Variants in PCDHGA1 observed in about 807,000 individuals in gnomAD.
PCDHGA1 encodes the protein protocadherin gamma-A1.
PCDHGA1 carries 32 observed loss-of-function variants against 58.0 expected under a neutral mutation model. That is an observed-to-expected ratio of 0.55 (90% CI 0.42 to 0.74). The LOEUF (loss-of-function observed/expected upper bound fraction) is 0.74. PCDHGA1 is among the 30% of genes least tolerant of loss of function. The pLI, the probability that PCDHGA1 is intolerant of heterozygous loss-of-function variation, is 0.00. For missense variants in PCDHGA1, 1,205 were observed against 1,182.3 expected, an observed-to-expected ratio of 1.02 and a Z score of -0.28; for synonymous variants, 498 against 501.1, an observed-to-expected ratio of 0.99 and a Z score of 0.08.
chr5:141,422,543 T>C lies in PCDHGA1; in HGVS notation c.2422-72264T>C, dbSNP rs2096655736. 1 of 1,613,882 alleles carries C rather than the reference T, an allele frequency of 6.2e-7. No homozygotes were observed. Among genetic ancestry groups the C allele is most frequent in the African/African-American group, 1.3e-5 (1 of 74,928 alleles). Reference sequence around the variant, plus strand: ...CCGCCTTTGTCTGCAGAAACTCATGTCTGGCTGAATGTGGCAGATGACAAC... The same window carrying C: ...CCGCCTTTGTCTGCAGAAACTCATGCCTGGCTGAATGTGGCAGATGACAAC... On this transcript the variant is annotated intron_variant, in intron 1 of 3. Coordinates refer to ENST00000517417, the MANE Select transcript of PCDHGA1 (RefSeq NM_018912.3).
intron 1 of PCDHGA1, chr5:141,339,512 G>A (rs202048719): frequency 6.2e-7 from 1 of 1,614,154 alleles, no homozygotes. Flanking sequence ...CTTCTCCCTG[G>A]ACGTGCGAAG....
chr5:141,351,411 A>G (rs1285099995), intron 1 of PCDHGA1: 1 of 1,611,444 alleles, frequency 6.2e-7, no homozygotes, highest in Non-Finnish European at 8.5e-7. Flanking sequence ...TATACTCAGG[A>G]AGAAGTTCCT....
chr5:141,494,843 G>T lies in PCDHGA1; in HGVS notation c.2458G>T (p.Ala820Ser). The T allele has an allele frequency of 6.2e-7, 1 of 1,614,088 alleles. No individual in the cohort carries two copies. The highest frequency in any genetic ancestry group is 8.5e-7 in the Non-Finnish European group (1 of 1,180,006). ...PPNTDWRFSQ[A>S]QRPGTSGSQN... Reference sequence around the variant, plus strand: ...CAACACGGACTGGCGTTTCTCTCAGGCCCAGAGACCCGGCACCAGCGGGTA... The same window carrying T: ...CAACACGGACTGGCGTTTCTCTCAGTCCCAGAGACCCGGCACCAGCGGGTA... Residue 820 changes from alanine (A) to serine (S), a missense_variant, in exon 2 of 4, where the codon GCC becomes TCC. Transcript: ENST00000517417.
chr5:141,344,770 A>G (rs1199721120), intron 1 of PCDHGA1: 2 of 1,613,984 alleles, frequency 1.2e-6, no homozygotes, highest in East Asian at 2.2e-5. Context: ...ACTCAGCCTG[A>G]GTACCGTGTG....
chr5:141,333,191 A>T (rs1402171988), intron 1 of PCDHGA1, 86 bp downstream of exon 1: 1 of 1,582,734 alleles, frequency 6.3e-7, no homozygotes, highest in South Asian at 1.1e-5. Context: ...TGCTACAGAT[A>T]GTTCTTCTAA....
intron 1 of PCDHGA1, chr5:141,378,235 G>C (rs1774737741): frequency 6.6e-6 from 1 of 152,228 alleles, no homozygotes; most frequent in Non-Finnish European, 1.5e-5. Context: ...GTATTTAAGA[G>C]TGAAAATGGC....
chr5:141,462,354 C>T (rs1157515386), intron 1 of PCDHGA1, among the ~76,000 whole-genome samples: 1 of 152,162 alleles, frequency 6.6e-6, no homozygotes, highest in Non-Finnish European at 1.5e-5. Flanking sequence ...CAAAAATATA[C>T]ATTGTATAGT....
At chr5:141,362,648 T>G in intron 1 of PCDHGA1, 1 of 1,442,070 alleles carries the variant, frequency 6.9e-7, no homozygotes, top group African/African-American at 1.4e-5. Flanking sequence ...TGTCTGTGAG[T>G]TAGATTTGGC....
At position 141,489,257 on chromosome 5, in the gene PCDHGA1, T is replaced by TC. The variant is rs773157586; in HGVS notation, c.2422-5547dup. The stretch of plus-strand genomic sequence containing the variant: ...TTCTGGGTCATGGGGCCCAAGACAC[T>TC]CCCACAGCTCGCTGGGAAATGGCAA... On this transcript the variant is annotated intron_variant, in intron 1 of 3. Coordinates refer to ENST00000517417, the MANE Select transcript of PCDHGA1 (RefSeq NM_018912.3). The surrounding 1 kb of genome is among the most constrained non-coding windows in gnomAD (Gnocchi z 4.5). 1 of 1,550,308 alleles carries TC rather than the reference T, an allele frequency of 6.5e-7. No homozygotes were observed. Among genetic ancestry groups the TC allele is most frequent in the Non-Finnish European group, 8.7e-7 (1 of 1,148,342 alleles).
intron 1 of PCDHGA1, among the ~76,000 whole-genome samples, chr5:141,442,910 C>G (rs1419319938): frequency 6.6e-6 from 1 of 152,196 alleles, no homozygotes; most frequent in African/African-American, 2.4e-5. Flanking sequence ...TCCTTCAGCA[C>G]ACAACTGTTT....
In PCDHGA1 at chr5:141,477,085, G is replaced by A. The variant is rs1420972762; in HGVS notation, c.2422-17722G>A. On this transcript the variant is annotated intron_variant, in intron 1 of 3. Coordinates refer to ENST00000517417, the MANE Select transcript of PCDHGA1 (RefSeq NM_018912.3). This position sits in a 1 kb window ranked among gnomAD's most constrained non-coding sequence, Gnocchi z 4.9. ...CCAAACTCCATGAGATTTACATCCAGGCCAAAGACAAGGGCGCCAATCCCG... is the reference window on the plus strand; with the variant it reads ...CCAAACTCCATGAGATTTACATCCAAGCCAAAGACAAGGGCGCCAATCCCG... 1 of 1,614,262 alleles carries A rather than the reference G, an allele frequency of 6.2e-7. No individual in the cohort carries two copies. The highest frequency in any genetic ancestry group is 1.7e-5 in the Admixed American group (1 of 60,034).
chr5:141,467,764 TGCCCGCACCTCA>T (rs544344217), intron 1 of PCDHGA1, among the ~76,000 whole-genome samples: 90 of 152,158 alleles, frequency 5.9e-4, no homozygotes, highest in South Asian at 1.0e-3. Context: ...CATGCTCAAG[TGCCCGCACCTCA>T]GCCTCTCAAG....
At chr5:141,369,282 C>T (rs908116391) in intron 1 of PCDHGA1, among the ~76,000 whole-genome samples, 3 of 152,074 alleles carry the variant, frequency 2.0e-5, no homozygotes, top group Admixed American at 2.0e-4. Flanking sequence ...ATTCACTCCC[C>T]AATCCTAATA....
intron 1 of PCDHGA1, chr5:141,408,115 C>A (rs2095044760): frequency 9.6e-6 from 14 of 1,461,430 alleles, no homozygotes; most frequent in South Asian, 2.9e-5. Flanking sequence ...GGGACTCCTC[C>A]TGTCCTGGGC....
At chr5:141,426,480 C>T (rs1379758117) in intron 1 of PCDHGA1, 4 of 325,590 alleles carry the variant, frequency 1.2e-5, no homozygotes, top group Non-Finnish European at 1.8e-5. Flanking sequence ...TGACCTGAAA[C>T]CTTAGAGTTA....
intron 1 of PCDHGA1, chr5:141,375,877 G>C (rs752155500): frequency 3.1e-6 from 5 of 1,613,794 alleles, no homozygotes; most frequent in South Asian, 1.1e-5. Flanking sequence ...ACAGAGACTC[G>C]GGCCAGAACG....
chr5:141,430,926 C>A (rs145535410), intron 1 of PCDHGA1: 4 of 1,607,308 alleles, frequency 2.5e-6, no homozygotes, highest in African/African-American at 1.3e-5. Context: ...GGGCTGGAGC[C>A]CCGGGAGCTC....
intron 1 of PCDHGA1, chr5:141,379,705 C>T (rs1775757725): frequency 6.6e-6 from 1 of 152,118 alleles, no homozygotes; most frequent in South Asian, 2.1e-4. Context: ...GTTAAACATC[C>T]TGGCAGTCAT....
chr5:141,467,788 A>G (rs2099151778), intron 1 of PCDHGA1, among the ~76,000 whole-genome samples: 1 of 152,020 alleles, frequency 6.6e-6, no homozygotes. Flanking sequence ...CCTCTCAAGT[A>G]GCTGGGACTA....
Sources: allele counts gnomAD v4.1 joint callset (sites outside exome capture counted in the v4.1 genomes callset), GRCh38; gene constraint gnomAD v4.1.1; non-coding constraint Gnocchi (gnomAD v3.1); transcripts MANE v1.5; gene names NCBI Gene and HGNC (gene_info 2026-07-23, HGNC 2026-07-21).